Variants in SLC25A21 observed in about 807,000 individuals in gnomAD.
SLC25A21 encodes the protein solute carrier family 25 member 21.
Under a neutral mutation model 43.8 loss-of-function variants are expected in SLC25A21, and 47 were observed. The ratio of observed to expected loss-of-function variants is 1.07; its 90% CI spans 0.85 to 1.37. The LOEUF (loss-of-function observed/expected upper bound fraction) is 1.37. SLC25A21 is among the 40% of genes most tolerant of loss of function. The probability of loss-of-function intolerance (pLI) is 0.00; values close to 1 mark genes in which losing one functional copy is unlikely to be tolerated. For synonymous variants in SLC25A21, 131 were observed against 121.3 expected (o/e 1.08, Z -0.52); for missense variants, 352 against 350.2 (o/e 1.00, Z -0.04).
chr14:37,051,516 C>T (rs1196793244), intron 1 of SLC25A21, among the ~76,000 whole-genome samples: 2 of 152,180 alleles, frequency 1.3e-5, no homozygotes, highest in African/African-American at 2.4e-5. Flanking sequence ...CCTATTCTTA[C>T]CTATTCAATC....
At chr14:36,991,098 T>C (rs774874097) in intron 1 of SLC25A21, among the ~76,000 whole-genome samples, 21 of 152,200 alleles carry the variant, frequency 1.4e-4, no homozygotes, top group Non-Finnish European at 2.4e-4. Flanking sequence ...GTCCTGATAA[T>C]GTAAATAGTC....
intron 1 of SLC25A21, among the ~76,000 whole-genome samples, chr14:37,142,163 A>C (rs751541651): frequency 6.6e-6 from 1 of 152,160 alleles, no homozygotes; most frequent in Non-Finnish European, 1.5e-5. Flanking sequence ...CATCTCATTT[A>C]ACTCACAACA....
chr14:36,883,348 A>G (rs1890805370), intron 1 of SLC25A21, among the ~76,000 whole-genome samples: 1 of 152,116 alleles, frequency 6.6e-6, no homozygotes, highest in Admixed American at 6.6e-5. Flanking sequence ...CTTCCCCCAC[A>G]TTCCACTTGG....
chr14:36,820,719 G>A (rs1025627805), intron 2 of SLC25A21, among the ~76,000 whole-genome samples: 11 of 152,146 alleles, frequency 7.2e-5, no homozygotes, highest in African/African-American at 2.7e-4. Flanking sequence ...GTATTCTAAA[G>A]CCCCCAAATT....
At chr14:36,734,125 G>C (rs1884938663) in intron 4 of SLC25A21, among the ~76,000 whole-genome samples, 1 of 152,044 alleles carries the variant, frequency 6.6e-6, no homozygotes. Context: ...AGGGAGAAAA[G>C]TTTTCCCTCC....
At chr14:36,723,704 T>C (rs1190420209) in intron 6 of SLC25A21, among the ~76,000 whole-genome samples, 1 of 152,242 alleles carries the variant, frequency 6.6e-6, no homozygotes, top group Non-Finnish European at 1.5e-5. Flanking sequence ...CAGCTCTTAC[T>C]TGGCCTCAGT....
intron 1 of SLC25A21, among the ~76,000 whole-genome samples, chr14:37,142,284 A>C (rs1963583965): frequency 6.6e-6 from 1 of 152,232 alleles, no homozygotes; most frequent in African/African-American, 2.4e-5. Context: ...GACAGAACTC[A>C]AACAGCTCTG....
At chr14:37,062,452 A>G (rs1961967971) in intron 1 of SLC25A21, among the ~76,000 whole-genome samples, 2 of 151,068 alleles carry the variant, frequency 1.3e-5, no homozygotes, top group African/African-American at 5.0e-5. Context: ...ATATATTCGC[A>G]AAATAATTTT....
intron 1 of SLC25A21, among the ~76,000 whole-genome samples, chr14:37,060,041 T>C (rs918705552): frequency 6.6e-6 from 1 of 152,078 alleles, no homozygotes; most frequent in Non-Finnish European, 1.5e-5. Flanking sequence ...CTCTGTGCTA[T>C]GGAATAAATG....
intron 1 of SLC25A21, among the ~76,000 whole-genome samples, chr14:36,979,954 GC>G (rs1959980627): frequency 6.6e-6 from 1 of 152,028 alleles, no homozygotes; most frequent in Non-Finnish European, 1.5e-5. Context: ...ATCCTGAAGG[GC>G]AGGGACAGGA....
intron 1 of SLC25A21, among the ~76,000 whole-genome samples, chr14:36,936,427 T>TA (rs1892425818): frequency 6.6e-6 from 1 of 152,048 alleles, no homozygotes; most frequent in South Asian, 2.1e-4. Context: ...GAGAGATAGA[T>TA]AAGCTCCTGA....
At chr14:36,864,311 A>G (rs1890151537) in intron 2 of SLC25A21, among the ~76,000 whole-genome samples, 1 of 152,200 alleles carries the variant, frequency 6.6e-6, no homozygotes, top group African/African-American at 2.4e-5. Context: ...AAAACCACAT[A>G]ATTCACTGCA....
chr14:36,690,988 C>CTGG (rs1456363958), intron 7 of SLC25A21, among the ~76,000 whole-genome samples: 2 of 152,160 alleles, frequency 1.3e-5, no homozygotes, highest in Non-Finnish European at 2.9e-5. Context: ...GACACTCACT[C>CTGG]TGAGTCAGGT....
chr14:36,744,982 T>C (rs1400767433), intron 3 of SLC25A21, among the ~76,000 whole-genome samples: 3 of 151,982 alleles, frequency 2.0e-5, no homozygotes, highest in Admixed American at 6.6e-5. Flanking sequence ...TTACATTAGG[T>C]ATTTCTCCTA....
At chr14:37,172,150 C>G (rs1295212365) in intron 1 of SLC25A21, 131 bp downstream of exon 1, 1 of 971,118 alleles carries the variant, frequency 1.0e-6, no homozygotes, top group African/African-American at 1.6e-5. Context: ...GGCTCAAGCA[C>G]TGCTCCGGGA....
intron 1 of SLC25A21, among the ~76,000 whole-genome samples, chr14:36,898,534 C>G (rs1402835392): frequency 6.6e-6 from 1 of 152,138 alleles, no homozygotes; most frequent in East Asian, 1.9e-4. Context: ...GTGCTGCACC[C>G]ACTGTCCTGC....
intron 1 of SLC25A21, among the ~76,000 whole-genome samples, chr14:36,951,900 T>C (rs1204881124): frequency 6.6e-6 from 1 of 152,190 alleles, no homozygotes; most frequent in Admixed American, 6.5e-5. Flanking sequence ...TCAGGTAGTC[T>C]TGCTTCAGGT....
intron 1 of SLC25A21, among the ~76,000 whole-genome samples, chr14:37,128,354 G>C: frequency 6.6e-6 from 1 of 152,140 alleles, no homozygotes; most frequent in East Asian, 1.9e-4. Context: ...GTTGTTTGAA[G>C]CCAGAAAGAT....
intron 3 of SLC25A21, among the ~76,000 whole-genome samples, chr14:36,772,579 T>C (rs898913994): frequency 3.3e-5 from 5 of 152,184 alleles, no homozygotes; most frequent in African/African-American, 1.2e-4. Context: ...AAAAAAAATC[T>C]GATTGGAGAG....
Sources: allele counts gnomAD v4.1 joint callset (sites outside exome capture counted in the v4.1 genomes callset), GRCh38; gene constraint gnomAD v4.1.1; transcripts MANE v1.5; gene names NCBI Gene and HGNC (gene_info 2026-07-23, HGNC 2026-07-21).